CACNA1C: variants seen among roughly 807,000 people sequenced by gnomAD.
CACNA1C encodes the protein voltage-dependent L-type calcium channel subunit alpha-1C.
CACNA1C carries 30 observed loss-of-function variants against 229.0 expected under a neutral mutation model. The observed-to-expected ratio is 0.13, with a 90% CI of 0.10 to 0.18. The LOEUF (loss-of-function observed/expected upper bound fraction) is 0.18, where lower values mean the gene tolerates loss of function less well. Ranked by LOEUF, CACNA1C falls within the 10% of genes least tolerant of loss-of-function variation. The probability of loss-of-function intolerance (pLI) is 1.00; values close to 1 mark genes in which losing one functional copy is unlikely to be tolerated. For missense variants in CACNA1C, 1,658 were observed against 2,845.0 expected (o/e 0.58, Z 9.49); for synonymous variants, 1,114 against 1,132.5 (o/e 0.98, Z 0.33).
intron 3 of CACNA1C, among the ~76,000 whole-genome samples, chr12:2,381,669 C>G (rs937037009): frequency 6.6e-6 from 1 of 152,194 alleles, no homozygotes; most frequent in Non-Finnish European, 1.5e-5. Context: ...ATTGGGCAGC[C>G]TTGGTGGTTT....
intron 8 of CACNA1C, among the ~76,000 whole-genome samples, chr12:2,508,876 A>C (rs531836553): frequency 6.6e-6 from 1 of 152,316 alleles, no homozygotes; most frequent in South Asian, 2.1e-4. Context: ...TGGTGCTCTT[A>C]TGGATAATAA....
At chr12:2,418,397 G>A (rs1189835634) in intron 3 of CACNA1C, among the ~76,000 whole-genome samples, 1 of 152,192 alleles carries the variant, frequency 6.6e-6, no homozygotes, top group Non-Finnish European at 1.5e-5. Context: ...AATCTGTCCT[G>A]AGAGTAGGTT....
At chr12:1,988,214 T>A (rs1451029596) in intron 1 of CACNA1C, among the ~76,000 whole-genome samples, 1 of 152,236 alleles carries the variant, frequency 6.6e-6, no homozygotes, top group East Asian at 1.9e-4. Flanking sequence ...TACGTGTCCA[T>A]CATGGGTCAT....
chr12:2,505,091 C>T, intron 8 of CACNA1C, 146 bp downstream of exon 8: 1 of 609,466 alleles, frequency 1.6e-6, no homozygotes, highest in Non-Finnish European at 2.9e-6. Context: ...TGTCCTTGTC[C>T]TGGCTGGGTA....
rs923435306 is a variant in CACNA1C, at chr12:2,633,379, G to A, written c.3829-918G>A. Among the ~76,000 whole-genome samples the A allele has an allele frequency of 2.6e-5, 4 of 152,210 alleles. No homozygotes were observed. The highest frequency in any genetic ancestry group is 9.7e-5 in the African/African-American group (4 of 41,450). On this transcript the variant is annotated intron_variant, in intron 29 of 46. Transcript: ENST00000399655. The surrounding 1 kb of genome is among the most constrained non-coding windows in gnomAD (Gnocchi z 5.8). ...GTGGACAGGGCCTCTGTGGAGAAGG[G>A]GTAGGGTGGGTGGATCTGTAGGATG...
chr12:2,322,798 C>T (rs1387915444), intron 3 of CACNA1C, among the ~76,000 whole-genome samples: 1 of 152,210 alleles, frequency 6.6e-6, no homozygotes, highest in Non-Finnish European at 1.5e-5. Flanking sequence ...GTTGCATGAG[C>T]ATCTGTCTCA....
chr12:1,973,212 A>T (rs919295895), intron 1 of CACNA1C, among the ~76,000 whole-genome samples: 1 of 152,162 alleles, frequency 6.6e-6, no homozygotes, highest in African/African-American at 2.4e-5. Context: ...GCTTCTTTTC[A>T]TATGACATGG....
chr12:2,037,151 C>T (rs969909123), intron 1 of CACNA1C, among the ~76,000 whole-genome samples: 3 of 152,204 alleles, frequency 2.0e-5, no homozygotes, highest in African/African-American at 7.2e-5. Context: ...TCTGAGCATC[C>T]TGCCTCATCT....
chr12:2,499,134 A>C (rs942137377), intron 7 of CACNA1C, among the ~76,000 whole-genome samples: 1 of 152,114 alleles, frequency 6.6e-6, no homozygotes, highest in Non-Finnish European at 1.5e-5. Context: ...CTTCCTGCTC[A>C]CTTGGTGCTC....
Position 2,679,386 on chromosome 12 carries a change from C to G in CACNA1C, c.5092-58C>G, listed in dbSNP as rs373985312. Reference sequence around the variant, plus strand: ...CCCTGACCTGGCTGTGGAGGCTGCTCTCTGGGAGGAGTGGGTGCTAAGGGG... The same window carrying G: ...CCCTGACCTGGCTGTGGAGGCTGCTGTCTGGGAGGAGTGGGTGCTAAGGGG... On this transcript the variant is annotated intron_variant, in intron 41 of 46. Transcript: ENST00000399655. This position sits in a 1 kb window ranked among gnomAD's most constrained non-coding sequence, Gnocchi z 5.5. 1 of 1,297,504 alleles carries G rather than the reference C, an allele frequency of 7.7e-7. No homozygotes were observed. The allele number at this position is 1,297,504 out of a possible 1,614,324, so 80.4% of individuals were successfully genotyped here.
chr12:2,179,891 G>T (rs377350167), intron 3 of CACNA1C, among the ~76,000 whole-genome samples: 1 of 152,206 alleles, frequency 6.6e-6, no homozygotes. Flanking sequence ...CCAAGAATCA[G>T]CTTCTACCAT....
chr12:2,205,750 T>G (rs1324269157), intron 3 of CACNA1C, among the ~76,000 whole-genome samples: 1 of 152,130 alleles, frequency 6.6e-6, no homozygotes. Context: ...GTGGGGGGAC[T>G]ACAAAGACGG....
At chr12:2,540,021 G>C (rs1449183932) in intron 9 of CACNA1C, among the ~76,000 whole-genome samples, 1 of 152,194 alleles carries the variant, frequency 6.6e-6, no homozygotes, top group South Asian at 2.1e-4. Context: ...GGGCCATGGG[G>C]CAGACATGTG....
At chr12:2,105,474 G>A (rs1429883934) in intron 1 of CACNA1C, among the ~76,000 whole-genome samples, 1 of 152,232 alleles carries the variant, frequency 6.6e-6, no homozygotes, top group Non-Finnish European at 1.5e-5. Flanking sequence ...AGGACCGGCA[G>A]AGTGACAGAA....
intron 8 of CACNA1C, among the ~76,000 whole-genome samples, chr12:2,511,495 G>A (rs1352785967): frequency 6.6e-6 from 1 of 152,142 alleles, no homozygotes; most frequent in Non-Finnish European, 1.5e-5. Flanking sequence ...GCAGCCTCGT[G>A]CCCTGAACTG....
chr12:2,635,083 G>T (rs1331265045), intron 30 of CACNA1C, among the ~76,000 whole-genome samples: 2 of 152,138 alleles, frequency 1.3e-5, no homozygotes, highest in Non-Finnish European at 2.9e-5. Flanking sequence ...GAGCTGCTCT[G>T]GGTGGACCTT....
intron 1 of CACNA1C, among the ~76,000 whole-genome samples, chr12:1,999,581 C>T (rs1352824385): frequency 6.6e-6 from 1 of 151,794 alleles, no homozygotes; most frequent in Non-Finnish European, 1.5e-5. Flanking sequence ...TTTTAATTAG[C>T]CAGGTGTGGT....
chr12:2,589,871 C>T (rs2064405648), intron 18 of CACNA1C, among the ~76,000 whole-genome samples: 1 of 152,182 alleles, frequency 6.6e-6, no homozygotes, highest in Admixed American at 6.5e-5. Flanking sequence ...GCTGGATTCA[C>T]TCACAGCTTA....
chr12:1,993,162 C>T (rs776636894), intron 1 of CACNA1C: 2 of 1,493,872 alleles, frequency 1.3e-6, no homozygotes, highest in Non-Finnish European at 1.9e-6. Flanking sequence ...CCCCCCATAG[C>T]CACTGATACC....
Sources: allele counts gnomAD v4.1 joint callset (sites outside exome capture counted in the v4.1 genomes callset), GRCh38; gene constraint gnomAD v4.1.1; non-coding constraint Gnocchi (gnomAD v3.1); transcripts MANE v1.5; gene names NCBI Gene and HGNC (gene_info 2026-07-23, HGNC 2026-07-21).